CFAP221: variants seen among roughly 807,000 people sequenced by gnomAD.
The protein encoded by CFAP221 is cilia- and flagella-associated protein 221.
A neutral mutation model predicts 113.1 loss-of-function variants in CFAP221; 97 were observed. The ratio of observed to expected loss-of-function variants is 0.86; its 90% CI spans 0.73 to 1.02. The LOEUF is 1.02. Among genes scored for constraint, CFAP221 ranks in the 50% least tolerant of loss-of-function variants. The pLI, the probability that CFAP221 is intolerant of heterozygous loss-of-function variation, is 0.00. For missense variants in CFAP221, 1,025 were observed against 1,013.4 expected (o/e 1.01, Z -0.16); for synonymous variants, 331 against 354.4 (o/e 0.93, Z 0.74).
intron 7 of CFAP221, among the ~76,000 whole-genome samples, chr2:119,597,115 A>G (rs1443948548): frequency 6.6e-6 from 1 of 152,206 alleles, no homozygotes; most frequent in Non-Finnish European, 1.5e-5. Context: ...TATTTAGCAT[A>G]AGGATTGAGA....
In CFAP221 at chr2:119,630,749, G is replaced by A. The variant is rs769261141; in HGVS notation, c.1840-18G>A. 17 of 1,609,008 alleles carry A rather than the reference G, an allele frequency of 1.1e-5. 1 individual carries two copies. In the South Asian group the frequency reaches 1.2e-4, roughly 11 times the overall value. On this transcript the variant is annotated intron_variant, in intron 18 of 23. Transcript: ENST00000413369. ...ATCCTGGCATCAAAACTAACGTGCT[G>A]TCCTTGCTCCTTGTTAGGATGAAGT...
At chr2:119,649,245 A>G (rs1215498161) in intron 22 of CFAP221, among the ~76,000 whole-genome samples, 1 of 152,216 alleles carries the variant, frequency 6.6e-6, no homozygotes, top group Non-Finnish European at 1.5e-5. Flanking sequence ...TCAGCTTTAC[A>G]GTGGTGTGAA....
chr2:119,638,435 C>A lies in CFAP221; in HGVS notation c.2133+18C>A. ...ATCACACGGTAATGTCATCACCAGG[C>A]TCACTGGCAGAGTGACCCTGGGCTG... On this transcript the variant is annotated intron_variant, in intron 20 of 23. Coordinates refer to ENST00000413369, the MANE Select transcript of CFAP221 (RefSeq NM_001271049.2). The A allele has an allele frequency of 6.2e-7, 1 of 1,613,692 alleles. No homozygotes were observed. The highest frequency in any genetic ancestry group is 8.5e-7 in the Non-Finnish European group (1 of 1,179,688).
chr2:119,618,907 G>A (rs1314053648), intron 14 of CFAP221, among the ~76,000 whole-genome samples: 3 of 152,162 alleles, frequency 2.0e-5, no homozygotes, highest in African/African-American at 7.2e-5. Flanking sequence ...GGGGGGAGGG[G>A]CGTCTGCCAT....
intron 19 of CFAP221, among the ~76,000 whole-genome samples, chr2:119,634,568 T>C (rs1686998786): frequency 6.6e-6 from 1 of 152,162 alleles, no homozygotes; most frequent in Admixed American, 6.5e-5. Flanking sequence ...GGAAACAATC[T>C]AAAAATCTAT....
In CFAP221 at chr2:119,630,906, G is replaced by A. The variant is rs756545939; in HGVS notation, c.1974+5G>A. The A allele has an allele frequency of 6.2e-7, 1 of 1,611,080 alleles. No homozygotes were observed. The highest frequency in any genetic ancestry group is 1.7e-5 in the Admixed American group (1 of 59,976). ...TATGATCCTCTGTATGTTTTTGTAA[G>A]TGACAACTGGCAGAAGCCTTGTTTT... is the stretch of plus-strand genomic sequence containing the variant. On this transcript the variant is annotated splice_donor_5th_base_variant and intron_variant, in intron 19 of 23. Coordinates refer to ENST00000413369, the MANE Select transcript of CFAP221 (RefSeq NM_001271049.2).
At chr2:119,650,673 C>A (rs1688075372) in intron 22 of CFAP221, among the ~76,000 whole-genome samples, 1 of 152,182 alleles carries the variant, frequency 6.6e-6, no homozygotes. Context: ...CTCATTTAAT[C>A]CTTATGATGA....
intron 6 of CFAP221, among the ~76,000 whole-genome samples, chr2:119,576,459 G>T (rs909138913): frequency 2.0e-5 from 3 of 152,058 alleles, no homozygotes; most frequent in Admixed American, 6.6e-5. Context: ...GCGGTATTTG[G>T]TTTTCTGTTT....
At chr2:119,629,000 A>G (rs1005278825) in intron 16 of CFAP221, among the ~76,000 whole-genome samples, 2 of 152,220 alleles carry the variant, frequency 1.3e-5, no homozygotes, top group East Asian at 3.8e-4. Flanking sequence ...GCTCAGGGTT[A>G]TTGAAAAATA....
chr2:119,621,709 A>C (rs1490897670), intron 14 of CFAP221, among the ~76,000 whole-genome samples: 3 of 152,244 alleles, frequency 2.0e-5, no homozygotes, highest in Non-Finnish European at 2.9e-5. Flanking sequence ...CAGTGCAATC[A>C]AATTAGAACT....
intron 19 of CFAP221, 137 bp downstream of exon 19, chr2:119,631,038 T>A: frequency 7.1e-7 from 1 of 1,410,508 alleles, no homozygotes; most frequent in East Asian, 2.4e-5. Context: ...ACCTTTAATA[T>A]TGTTTGCCAA....
At chr2:119,602,824 A>C in intron 8 of CFAP221, 1 of 968,052 alleles carries the variant, frequency 1.0e-6, no homozygotes, top group South Asian at 4.8e-5. Context: ...GACTTTCTTA[A>C]AGACATAACA....
In CFAP221 at chr2:119,625,720, G is replaced by A. The variant is rs77360663; in HGVS notation, c.1516+32G>A. On this transcript the variant is annotated intron_variant, in intron 15 of 23. Transcript: ENST00000413369. ...TATGGCTGCAAAGCACAGAGATGCC[G>A]AGACTGATCATGCCTCTGAGCGTGA... is the stretch of plus-strand genomic sequence containing the variant. 5.2e-3 allele frequency: 8,055 copies of A among 1,537,032 alleles called. 280 individuals are homozygous for A. In the East Asian group the frequency reaches 0.099, roughly 19 times the overall value.
intron 6 of CFAP221, among the ~76,000 whole-genome samples, chr2:119,565,191 C>T (rs995204820): frequency 3.3e-5 from 5 of 152,142 alleles, no homozygotes; most frequent in African/African-American, 4.8e-5. Context: ...TTCCTGTGTT[C>T]GCTCACTCCT....
rs201318547 is a variant in CFAP221, at chr2:119,627,691, C to G, written c.1555C>G (p.Gln519Glu). ...CAAATTCTTCCTGAGGCGGATCAGT[C>G]AGGATGATTATACCAGCCGGTTCTC... ...FFKFFLRRIS[Q>E]DDYTSRFSVS... Residue 519 changes from glutamine (Q) to glutamate (E), a missense_variant, in exon 16 of 24, where the codon CAG (glutamine) becomes GAG (glutamate). Gln to Glu is a conservative substitution (Grantham distance 29). Coordinates refer to ENST00000413369, the MANE Select transcript of CFAP221 (RefSeq NM_001271049.2). The G allele has an allele frequency of 1.9e-6, 3 of 1,613,712 alleles. No individual in the cohort carries two copies. The East Asian group carries it at 6.7e-5, about 36-fold the overall frequency.
At chr2:119,582,838 G>GA (rs546454586) in intron 6 of CFAP221, among the ~76,000 whole-genome samples, 4 of 151,312 alleles carry the variant, frequency 2.6e-5, no homozygotes, top group Non-Finnish European at 5.9e-5. Flanking sequence ...GTCATAGGAG[G>GA]AAAAAAGTAG....
At chr2:119,567,302 C>T (rs972584843) in intron 6 of CFAP221, among the ~76,000 whole-genome samples, 1 of 152,182 alleles carries the variant, frequency 6.6e-6, no homozygotes, top group Non-Finnish European at 1.5e-5. Context: ...CAACCACTGG[C>T]AACCACTGTT....
chr2:119,572,703 G>A, intron 6 of CFAP221: 2 of 595,602 alleles, frequency 3.4e-6, no homozygotes, highest in East Asian at 2.8e-5. Flanking sequence ...CTCACCTGGG[G>A]AAGTGATGAC....
At chr2:119,570,974 T>C (rs1681998665) in intron 6 of CFAP221, among the ~76,000 whole-genome samples, 1 of 152,194 alleles carries the variant, frequency 6.6e-6, no homozygotes, top group South Asian at 2.1e-4. Context: ...GCAAAGTGGC[T>C]GTACCATTTA....
Sources: gnomAD v4.1 joint callset for allele counts (sites outside exome capture counted in the v4.1 genomes callset) on GRCh38, gnomAD v4.1.1 for gene constraint, MANE v1.5 for transcripts, NCBI Gene and HGNC (gene_info 2026-07-23, HGNC 2026-07-21) for gene names.